The following FBXL17 variants were observed in gnomAD, a reference collection of about 807,000 sequenced individuals.
FBXL17 encodes F-box and leucine rich repeat protein 17, also known as F-box/LRR-repeat protein 17.
In FBXL17, 22 loss-of-function variants were observed where a neutral mutation model predicts 66.2. The observed-to-expected ratio is 0.33, with a 90% CI of 0.24 to 0.47. The LOEUF is 0.47. FBXL17 is among the 20% of genes least tolerant of loss of function. FBXL17 has a pLI of 1.00. For missense variants in FBXL17, 878 were observed against 948.2 expected (o/e 0.93, Z 0.97); for synonymous variants, 474 against 400.5 (o/e 1.18, Z -2.19).
chr5:108,281,536 T>G (rs1262346232), intron 4 of FBXL17, among the ~76,000 whole-genome samples: 1 of 151,732 alleles, frequency 6.6e-6, no homozygotes, highest in African/African-American at 2.4e-5. Context: ...GGAAAAGTAG[T>G]ACTGAGAGGG....
intron 7 of FBXL17, among the ~76,000 whole-genome samples, chr5:107,912,402 A>G (rs1749978748): frequency 6.6e-6 from 1 of 152,130 alleles, no homozygotes; most frequent in Non-Finnish European, 1.5e-5. Context: ...GTGAAAAATG[A>G]AGAAGAGCTT....
At chr5:107,880,574 C>A (rs10059473) in intron 8 of FBXL17, 58,477 of 1,022,306 alleles carry the variant, frequency 0.057, 1,858 homozygotes, top group Non-Finnish European at 0.063. Flanking sequence ...CTTTGTTGGT[C>A]CCGAATGGCC....
intron 6 of FBXL17, among the ~76,000 whole-genome samples, chr5:108,045,564 C>T (rs1408738190): frequency 6.6e-6 from 1 of 152,104 alleles, no homozygotes; most frequent in Non-Finnish European, 1.5e-5. Flanking sequence ...AAAAATTTCC[C>T]TCTTTTCTAA....
At chr5:108,147,525 A>G (rs1441004878) in intron 6 of FBXL17, among the ~76,000 whole-genome samples, 1 of 152,166 alleles carries the variant, frequency 6.6e-6, no homozygotes, top group East Asian at 1.9e-4. Context: ...GTCTGAAATA[A>G]AAAAATAAAA....
chr5:107,880,746 T>A (rs1245146180), intron 8 of FBXL17: 2 of 1,293,404 alleles, frequency 1.5e-6, no homozygotes, highest in Non-Finnish European at 9.8e-7. Flanking sequence ...TACATTTTGG[T>A]CCATGGACTT....
intron 6 of FBXL17, among the ~76,000 whole-genome samples, chr5:108,038,755 G>A (rs1746942519): frequency 6.6e-6 from 1 of 152,058 alleles, no homozygotes; most frequent in African/African-American, 2.4e-5. Flanking sequence ...TGAATTAGAT[G>A]TGAGTGAGAT....
intron 6 of FBXL17, among the ~76,000 whole-genome samples, chr5:108,123,136 T>C (rs189694051): frequency 1.3e-5 from 2 of 151,336 alleles, no homozygotes; most frequent in African/African-American, 2.4e-5. Flanking sequence ...TGGTTGTGCA[T>C]GTGCTTGGGT....
Position 107,908,142 on chromosome 5 carries a change from G to T in FBXL17, c.1823-26963C>A, listed in dbSNP as rs559154933. ...AAAAAATGATGAGTTCATGTCCTTCGTAGGGACATGGATGAAATTGGAAAT... is the reference window on the plus strand; with the variant it reads ...AAAAAATGATGAGTTCATGTCCTTCTTAGGGACATGGATGAAATTGGAAAT... On this transcript the variant is annotated intron_variant, in intron 7 of 8. Coordinates refer to ENST00000542267, the MANE Select transcript of FBXL17 (RefSeq NM_001163315.3). Among the ~76,000 whole-genome samples, 311 of 152,264 alleles carry T rather than the reference G, an allele frequency of 2.0e-3. 1 individual carries two copies. Among genetic ancestry groups the T allele is most frequent in the African/African-American group, 7.2e-3 (300 of 41,560 alleles).
intron 6 of FBXL17, among the ~76,000 whole-genome samples, chr5:108,069,221 T>G (rs1008733395): frequency 2.0e-5 from 3 of 152,214 alleles, no homozygotes; most frequent in African/African-American, 4.8e-5. Context: ...TCTTGTCAAC[T>G]GAAACCATAA....
chr5:107,914,294 A>G (rs376429562), intron 7 of FBXL17, among the ~76,000 whole-genome samples: 1 of 152,160 alleles, frequency 6.6e-6, no homozygotes, highest in East Asian at 1.9e-4. Context: ...ATTTCCTTCC[A>G]AAAGATAAGG....
At chr5:108,196,898 C>T (rs1446061991) in intron 5 of FBXL17, among the ~76,000 whole-genome samples, 1 of 152,094 alleles carries the variant, frequency 6.6e-6, no homozygotes, top group Non-Finnish European at 1.5e-5. Flanking sequence ...TTTTTAAGAG[C>T]CTCTGTAAGT....
At chr5:108,193,335 C>G (rs530970481) in intron 5 of FBXL17, among the ~76,000 whole-genome samples, 1 of 152,030 alleles carries the variant, frequency 6.6e-6, no homozygotes, top group Non-Finnish European at 1.5e-5. Context: ...CTGGGAAGAG[C>G]TTCCTATTAA....
intron 6 of FBXL17, among the ~76,000 whole-genome samples, chr5:108,047,914 C>T (rs1050401265): frequency 1.3e-5 from 2 of 152,200 alleles, no homozygotes; most frequent in African/African-American, 2.4e-5. Context: ...TTCCCCCCAG[C>T]GAAGCACACC....
chr5:108,308,583 C>T (rs1213998243), intron 4 of FBXL17, among the ~76,000 whole-genome samples: 4 of 151,968 alleles, frequency 2.6e-5, no homozygotes, highest in East Asian at 1.9e-4. Flanking sequence ...AGAAAACCTC[C>T]GTCATAGATT....
intron 4 of FBXL17, among the ~76,000 whole-genome samples, chr5:108,242,727 G>T (rs1755915521): frequency 6.6e-6 from 1 of 152,152 alleles, no homozygotes; most frequent in East Asian, 1.9e-4. Flanking sequence ...TTCATGGTCA[G>T]CTTCATCTAC....
intron 7 of FBXL17, among the ~76,000 whole-genome samples, chr5:108,019,551 G>A (rs1023840519): frequency 3.3e-5 from 5 of 152,026 alleles, no homozygotes; most frequent in African/African-American, 1.2e-4. Flanking sequence ...AAAAAGACTG[G>A]AAGAGCAGGT....
intron 7 of FBXL17, among the ~76,000 whole-genome samples, chr5:108,003,823 T>C (rs1159152245): frequency 1.3e-5 from 2 of 151,946 alleles, no homozygotes; most frequent in East Asian, 3.9e-4. Flanking sequence ...AAAAGAGAGA[T>C]TAATAGATTA....
chr5:108,278,220 C>T (rs1757561875), intron 4 of FBXL17, among the ~76,000 whole-genome samples: 1 of 152,160 alleles, frequency 6.6e-6, no homozygotes, highest in Non-Finnish European at 1.5e-5. Flanking sequence ...CCAAATCTAA[C>T]TTACAGAGTG....
At position 108,123,098 on chromosome 5, in the gene FBXL17, A is replaced by G. The variant is rs534552862; in HGVS notation, c.1745+63019T>C. ...TCTCCATACTAGATCTTTTAGGAAA[A>G]GTTTTTCTTTTTCTTGTTGTGTGAT... On this transcript the variant is annotated intron_variant, in intron 6 of 8. Transcript: ENST00000542267. 2.0e-4 allele frequency among the ~76,000 whole-genome samples: 30 copies of G among 148,930 alleles called. 1 individual carries two copies. Among genetic ancestry groups the G allele is most frequent in the Admixed American group, 1.7e-3 (25 of 14,798 alleles).
Sources: allele counts gnomAD v4.1 joint callset (sites outside exome capture counted in the v4.1 genomes callset), GRCh38; gene constraint gnomAD v4.1.1; transcripts MANE v1.5; gene names NCBI Gene and HGNC (gene_info 2026-07-23, HGNC 2026-07-21).